ZNF585B: variants seen among roughly 807,000 people sequenced by gnomAD.
ZNF585B encodes zinc finger protein 41-like protein.
Under a neutral mutation model 14.0 loss-of-function variants are expected in ZNF585B, and 7 were observed. That is an observed-to-expected ratio of 0.50 (90% CI 0.28 to 0.94). The LOEUF is 0.94. ZNF585B is among the 40% of genes least tolerant of loss of function. ZNF585B has a pLI of 0.09. For synonymous variants in ZNF585B, 290 were observed against 317.3 expected (o/e 0.91, Z 0.91); for missense variants, 750 against 924.4 (o/e 0.81, Z 2.45).
chr19:37,188,923 G>A (rs923980897), intron 4 of ZNF585B, among the ~76,000 whole-genome samples: 20 of 151,866 alleles, frequency 1.3e-4, no homozygotes, highest in African/African-American at 4.8e-4. Flanking sequence ...GAGCCTGACT[G>A]GAAATAAAGT....
chr19:37,189,831 A>C, intron 3 of ZNF585B, 78 bp from the exon 4 acceptor site: 8 of 1,598,712 alleles, frequency 5.0e-6, no homozygotes, highest in East Asian at 2.2e-5. Context: ...TTATTGTTCA[A>C]TGATGGTTTG....
chr19:37,189,187 C>T (rs1972372839), intron 4 of ZNF585B, among the ~76,000 whole-genome samples: 1 of 152,142 alleles, frequency 6.6e-6, no homozygotes, highest in Non-Finnish European at 1.5e-5. Flanking sequence ...ATACACCCAC[C>T]TTGGCCTCCC....
intron 2 of ZNF585B, among the ~76,000 whole-genome samples, chr19:37,198,185 T>A (rs1001993035): frequency 2.0e-5 from 3 of 152,112 alleles, no homozygotes; most frequent in Non-Finnish European, 4.4e-5. Flanking sequence ...TATTATTATT[T>A]TTTGAGATGG....
intron 2 of ZNF585B, chr19:37,190,552 G>A (rs1209127146): frequency 2.0e-5 from 3 of 151,616 alleles, no homozygotes; most frequent in Admixed American, 6.6e-5. Context: ...GCATCTGGCC[G>A]TTTTTGTTTT....
At chr19:37,209,869 C>T (rs1026645491) in intron 1 of ZNF585B, among the ~76,000 whole-genome samples, 24 of 151,856 alleles carry the variant, frequency 1.6e-4, no homozygotes, top group Non-Finnish European at 1.8e-4. Flanking sequence ...GCGCCCGCCA[C>T]CACGCCCGGC....
chr19:37,190,168 T>C lies in ZNF585B; in HGVS notation c.73-18A>G, dbSNP rs2145433596. The C allele has an allele frequency of 6.2e-7, 1 of 1,614,126 alleles. No individual in the cohort carries two copies. The highest frequency in any genetic ancestry group is 8.5e-7 in the Non-Finnish European group (1 of 1,179,992). ...ACTGATCCCTGTAAGGGCACATTCC[T>C]GTTCAATGTGCATAGTCAGCTTTGC... On this transcript the variant is annotated intron_variant, in intron 2 of 4. Transcript: ENST00000532828.
intron 2 of ZNF585B, among the ~76,000 whole-genome samples, chr19:37,198,685 G>A (rs900067976): frequency 1.7e-4 from 25 of 150,024 alleles, no homozygotes; most frequent in Non-Finnish European, 2.8e-4. Context: ...GCAGTGAGCC[G>A]AGATTGCGCC....
chr19:37,190,688 C>T (rs1320822422), intron 2 of ZNF585B, among the ~76,000 whole-genome samples: 1 of 151,812 alleles, frequency 6.6e-6, no homozygotes, highest in African/African-American at 2.4e-5. Flanking sequence ...GCATCAGCCT[C>T]CTGAGTAGCT....
intron 2 of ZNF585B, chr19:37,199,057 G>C (rs750326957): frequency 8.9e-6 from 13 of 1,458,442 alleles, no homozygotes; most frequent in Non-Finnish European, 1.2e-5. Flanking sequence ...CTATATACCT[G>C]AAAAGAATAT....
At chr19:37,190,403 A>G (rs11666897) in intron 2 of ZNF585B, 114,906 of 325,466 alleles carry the variant, frequency 0.35, 21,150 homozygotes, top group African/African-American at 0.44. Context: ...GTGCCACCAC[A>G]CCCAGCTAAT....
chr19:37,203,233 C>A (rs1032194876), intron 2 of ZNF585B, among the ~76,000 whole-genome samples: 1 of 151,404 alleles, frequency 6.6e-6, no homozygotes, highest in African/African-American at 2.4e-5. Flanking sequence ...GCTTTTTTCC[C>A]AAAATTTCTA....
chr19:37,192,511 A>AT (rs1019320262), intron 2 of ZNF585B, among the ~76,000 whole-genome samples: 9 of 139,950 alleles, frequency 6.4e-5, no homozygotes, highest in African/African-American at 2.2e-4. Flanking sequence ...TGTCTCAAAA[A>AT]AAAAAAAAAT....
At chr19:37,202,518 G>C (rs1972540588) in intron 2 of ZNF585B, among the ~76,000 whole-genome samples, 1 of 152,088 alleles carries the variant, frequency 6.6e-6, no homozygotes, top group African/African-American at 2.4e-5. Flanking sequence ...TGACTGCGTT[G>C]GGGGTGTTGA....
At chr19:37,191,046 T>A (rs1044561929) in intron 2 of ZNF585B, among the ~76,000 whole-genome samples, 4 of 152,206 alleles carry the variant, frequency 2.6e-5, no homozygotes, top group Non-Finnish European at 4.4e-5. Flanking sequence ...TACTTTTTTT[T>A]ATGTATTTCA....
rs1208335121 is a variant in ZNF585B, at chr19:37,186,102, A to T, written c.1435T>A (p.Ser479Thr). 1 of 1,613,982 alleles carries T rather than the reference A, an allele frequency of 6.2e-7. No homozygotes were observed. The highest frequency in any genetic ancestry group is 1.7e-5 in the Admixed American group (1 of 60,000). The change falls in exon 5 of 5, where the codon TCA becomes ACA. Residue 479 changes from serine (S) to threonine (T), a missense_variant. By Grantham distance (58) the Ser-to-Thr change is moderately conservative. Coordinates refer to ENST00000532828, the MANE Select transcript of ZNF585B (RefSeq NM_152279.4). Reference sequence around the variant, plus strand: ...GTTTTCTGATGTGTAATGAGATTTGACCGGTTGGTGAATGCCTTCCCACAT... The same window carrying T: ...GTTTTCTGATGTGTAATGAGATTTGTCCGGTTGGTGAATGCCTTCCCACAT... Reference protein sequence around the residue: ...NKCGKAFTNRSNLITHQKTHT... With the variant: ...NKCGKAFTNRTNLITHQKTHT...
In ZNF585B at chr19:37,187,047, C is replaced by T. The variant is rs1972345361; in HGVS notation, c.490G>A (p.Gly164Arg). 1 of 1,613,028 alleles carries T rather than the reference C, an allele frequency of 6.2e-7. No homozygotes were observed. Among genetic ancestry groups the T allele is most frequent in the Admixed American group, 1.7e-5 (1 of 59,794 alleles). The change falls in exon 5 of 5, where the codon GGG becomes AGG. Residue 164 changes from glycine to arginine, a missense_variant. Transcript: ENST00000532828. ...TCTGGCTTCTGTACAAAAGCCCTCC[C>T]ACATTCAATACATACATAGAGTTTT... ...GEKLYVCIEC[G>R]RAFVQKPEFI...
intron 2 of ZNF585B, among the ~76,000 whole-genome samples, chr19:37,205,116 T>C (rs1255652782): frequency 6.6e-6 from 1 of 152,138 alleles, no homozygotes; most frequent in African/African-American, 2.4e-5. Flanking sequence ...TTGCCAGGGC[T>C]GGTCTTGAAC....
chr19:37,191,168 T>C (rs747560586), intron 2 of ZNF585B, among the ~76,000 whole-genome samples: 3 of 152,172 alleles, frequency 2.0e-5, no homozygotes, highest in Admixed American at 1.3e-4. Context: ...ACAATACAAA[T>C]AAATGCAACA....
intron 3 of ZNF585B, 30 bp downstream of exon 3, chr19:37,189,994 C>G (rs760807018): frequency 1.9e-6 from 3 of 1,611,276 alleles, no homozygotes; most frequent in South Asian, 2.2e-5. Flanking sequence ...AGTGAGGCCT[C>G]CTTTCAGATA....
Sources: gnomAD v4.1 joint callset for allele counts (sites outside exome capture counted in the v4.1 genomes callset) on GRCh38, gnomAD v4.1.1 for gene constraint, MANE v1.5 for transcripts, NCBI Gene and HGNC (gene_info 2026-07-23, HGNC 2026-07-21) for gene names.